The following ZNF610 variants were observed in gnomAD, a reference collection of about 807,000 sequenced individuals.
ZNF610 encodes zink finger protein.
In ZNF610, 14 loss-of-function variants were observed where a neutral mutation model predicts 14.1. The observed-to-expected ratio is 0.99, with a 90% CI of 0.65 to 1.55. The LOEUF is 1.55. Among genes scored for constraint, ZNF610 ranks in the 40% most tolerant of loss-of-function variants. The pLI is 0.00. For missense variants in ZNF610, 530 were observed against 558.0 expected (o/e 0.95, Z 0.51); for synonymous variants, 185 against 187.6 (o/e 0.99, Z 0.11).
chr19:52,335,101 C>T (rs950260426), upstream of ZNF610, among the ~76,000 whole-genome samples: 2 of 150,568 alleles, frequency 1.3e-5, no homozygotes, highest in Non-Finnish European at 1.5e-5. Flanking sequence ...GTCAGGAGAT[C>T]GAGACCATCC....
chr19:52,337,219 C>CAG (rs1263665628), intron 1 of ZNF610, among the ~76,000 whole-genome samples: 3 of 151,300 alleles, frequency 2.0e-5, no homozygotes. Context: ...CCAGGGCAGA[C>CAG]AGAGCAGCAT....
intron 2 of ZNF610, among the ~76,000 whole-genome samples, chr19:52,348,876 GT>G (rs1268405747): frequency 1.3e-5 from 2 of 152,142 alleles, no homozygotes; most frequent in East Asian, 3.9e-4. Context: ...GGTCACAGCT[GT>G]GTCTCTTCCC....
chr19:52,337,315 G>T (rs1219419465), intron 1 of ZNF610, among the ~76,000 whole-genome samples: 1 of 151,984 alleles, frequency 6.6e-6, no homozygotes, highest in African/African-American at 2.4e-5. Context: ...ATCCGGGGGG[G>T]CCAGAGAGTG....
chr19:52,341,674 TG>T (rs2122180778), intron 1 of ZNF610, among the ~76,000 whole-genome samples: 1 of 152,310 alleles, frequency 6.6e-6, no homozygotes, highest in African/African-American at 2.4e-5. Flanking sequence ...TTGCACAGGC[TG>T]GAGTGCAGTG....
At chr19:52,331,702 T>A (rs181285551), upstream of ZNF610, among the ~76,000 whole-genome samples, 1 of 152,182 alleles carries the variant, frequency 6.6e-6, no homozygotes, top group African/African-American at 2.4e-5. Flanking sequence ...AAGGATGCAG[T>A]CTTGCAAGCC....
upstream of ZNF610, among the ~76,000 whole-genome samples, chr19:52,331,391 CAAG>C (rs1253058442): frequency 6.6e-6 from 1 of 152,148 alleles, no homozygotes; most frequent in African/African-American, 2.4e-5. Context: ...TTATAAAAAA[CAAG>C]AGTCTGAGAA....
upstream of ZNF610, among the ~76,000 whole-genome samples, chr19:52,335,324 C>T (rs1165702635): frequency 6.6e-6 from 1 of 152,174 alleles, no homozygotes; most frequent in African/African-American, 2.4e-5. Context: ...CCTCCGGGGA[C>T]AGGACCCATC....
Position 52,366,345 on chromosome 19 carries a change from A to G in ZNF610, c.967A>G (p.Lys323Glu). 6.2e-7 allele frequency: 1 copy of G among 1,614,096 alleles called. No individual in the cohort carries two copies. Among genetic ancestry groups the G allele is most frequent in the Non-Finnish European group, 8.5e-7 (1 of 1,180,008 alleles). ...ACCTTACAAATGTAATGAGTGTGGC[A>G]AGAACTTCAGGCACAAATTTTCTCT... ...EKPYKCNECG[K>E]NFRHKFSLTN... is the part of the protein sequence containing the mutation. Residue 323 changes from lysine (K) to glutamate (E), a missense_variant, in exon 6 of 6, where the codon AAG becomes GAG. Coordinates refer to ENST00000403906, the MANE Select transcript of ZNF610 (RefSeq NM_001161425.2).
chr19:52,346,416 G>C (rs546854347), intron 1 of ZNF610, among the ~76,000 whole-genome samples: 1 of 151,990 alleles, frequency 6.6e-6, no homozygotes, highest in South Asian at 2.1e-4. Flanking sequence ...GCCCGCCTCG[G>C]CCTCCCAATG....
chr19:52,353,899 T>A, intron 4 of ZNF610, 91 bp downstream of exon 4: 2 of 1,469,194 alleles, frequency 1.4e-6, no homozygotes, highest in Non-Finnish European at 1.8e-6. Context: ...CTAAATTGCT[T>A]AACTGAGGTA....
At chr19:52,346,762 G>A (rs561154531) in intron 1 of ZNF610, among the ~76,000 whole-genome samples, 20 of 151,818 alleles carry the variant, frequency 1.3e-4, no homozygotes, top group African/African-American at 4.4e-4. Flanking sequence ...ACCGAGTCTC[G>A]CTCTGTCACC....
intron 1 of ZNF610, among the ~76,000 whole-genome samples, chr19:52,339,816 T>A (rs1410305479): frequency 6.6e-6 from 1 of 152,182 alleles, no homozygotes; most frequent in Non-Finnish European, 1.5e-5. Context: ...CCCGTCACCA[T>A]GCCTGGCTAC....
At position 52,365,071 on chromosome 19, in the gene ZNF610, C is replaced by A. The variant is rs1054012112; in HGVS notation, c.320-627C>A. Among the ~76,000 whole-genome samples the A allele has an allele frequency of 2.0e-5, 3 of 150,592 alleles. No homozygotes were observed. The East Asian group carries it at 5.8e-4, about 29-fold the overall frequency. Reference sequence around the variant, plus strand: ...GACCAGTCTGGCCAACGTGGTGAAACCCCGTCTCTACTAAAAATACAAAAA... The same window carrying A: ...GACCAGTCTGGCCAACGTGGTGAAAACCCGTCTCTACTAAAAATACAAAAA... On this transcript the variant is annotated intron_variant, in intron 5 of 5. Transcript: ENST00000403906.
intron 1 of ZNF610, among the ~76,000 whole-genome samples, chr19:52,342,170 T>A (rs1472944214): frequency 6.6e-6 from 1 of 152,192 alleles, no homozygotes; most frequent in Admixed American, 6.5e-5. Flanking sequence ...CTTAAACTCC[T>A]GAGCTGAAGT....
Position 52,366,836 on chromosome 19 carries a change from C to T in ZNF610, c.*69C>T. The T allele has an allele frequency of 1.6e-6, 2 of 1,255,774 alleles. No homozygotes were observed. The highest frequency in any genetic ancestry group is 2.2e-6 in the Non-Finnish European group (2 of 899,138). 77.8% of individuals were successfully genotyped at this position (1,255,774 alleles called of 1,614,324 possible). On this transcript the variant is annotated 3_prime_UTR_variant, in exon 6 of 6. Coordinates refer to ENST00000403906, the MANE Select transcript of ZNF610 (RefSeq NM_001161425.2). ...TGGAGGACTCAGGAGAAAAACCTTA[C>T]AAATATCATAAATGTGGCAAAGAAT...
At chr19:52,338,929 GC>G (rs901387269) in intron 1 of ZNF610, among the ~76,000 whole-genome samples, 3 of 151,948 alleles carry the variant, frequency 2.0e-5, no homozygotes, top group South Asian at 4.2e-4. Flanking sequence ...ACCCGCGCCG[GC>G]CCGGTCTCTG....
chr19:52,348,687 T>G (rs1985084061), intron 2 of ZNF610, among the ~76,000 whole-genome samples: 1 of 152,202 alleles, frequency 6.6e-6, no homozygotes, highest in Non-Finnish European at 1.5e-5. Flanking sequence ...AGGTCAGTAC[T>G]GTTTGAGGTT....
rs1196094790 is a variant in ZNF610 at position 52,347,955 on chromosome 19, T to C, written c.-20+11T>C. ...CAAGCGCCATTCATGGTGAGTGCCC[T>C]AGACAGCTGTACCATTTTTTAAACA... On this transcript the variant is annotated intron_variant, in intron 2 of 5. Coordinates refer to ENST00000403906, the MANE Select transcript of ZNF610 (RefSeq NM_001161425.2). 1 of 152,216 alleles carries C rather than the reference T, an allele frequency of 6.6e-6. No homozygotes were observed. The highest frequency in any genetic ancestry group is 2.4e-5 in the African/African-American group (1 of 41,458). The allele number at this position is 152,216 out of a possible 1,614,324, so 9.4% of individuals were successfully genotyped here. A position where few individuals can be genotyped will look rare whatever the true frequency, so the allele number is the denominator to read the frequency against.
chr19:52,333,985 T>C (rs1432965783), upstream of ZNF610, among the ~76,000 whole-genome samples: 1 of 152,178 alleles, frequency 6.6e-6, no homozygotes, highest in African/African-American at 2.4e-5. Context: ...CCCACAGGCC[T>C]TCAGCTCCCT....
Sources: allele counts gnomAD v4.1 joint callset (sites outside exome capture counted in the v4.1 genomes callset), GRCh38; gene constraint gnomAD v4.1.1; transcripts MANE v1.5; gene names NCBI Gene and HGNC (gene_info 2026-07-23, HGNC 2026-07-21).